The following CFAP65 variants were observed in gnomAD, a reference collection of about 807,000 sequenced individuals.
CFAP65 encodes cilia and flagella associated protein 65.
A neutral mutation model predicts 208.0 loss-of-function variants in CFAP65; 155 were observed. The observed-to-expected ratio is 0.75, with a 90% CI of 0.65 to 0.85. The LOEUF (loss-of-function observed/expected upper bound fraction) is 0.85. Among genes scored for constraint, CFAP65 ranks in the 40% least tolerant of loss-of-function variants. The pLI, the probability that CFAP65 is intolerant of heterozygous loss-of-function variation, is 0.00. For synonymous variants in CFAP65, 970 were observed against 986.3 expected (o/e 0.98, Z 0.31); for missense variants, 2,294 against 2,451.3 (o/e 0.94, Z 1.36).
At chr2:219,016,575 G>A (rs558639423) in intron 21 of CFAP65, among the ~76,000 whole-genome samples, 24 of 152,082 alleles carry the variant, frequency 1.6e-4, no homozygotes, top group South Asian at 4.2e-4. Context: ...GATTACAGGC[G>A]TGAGCCACCA....
intron 14 of CFAP65, 30 bp from the exon 15 acceptor site, chr2:219,024,290 C>T (rs1424705556): frequency 1.3e-6 from 2 of 1,589,240 alleles, no homozygotes; most frequent in Admixed American, 1.7e-5. Flanking sequence ...AAAGCGGCCC[C>T]CCGCTCAGAC....
chr2:219,030,978 T>C, intron 8 of CFAP65, 128 bp downstream of exon 8: 17 of 1,431,964 alleles, frequency 1.2e-5, no homozygotes, highest in East Asian at 2.5e-5. Context: ...CCTTCTGGGC[T>C]TGGGGGAGGG....
At position 219,027,889 on chromosome 2, in the gene CFAP65, C is replaced by A; in HGVS notation, c.1972G>T (p.Val658Leu). 1 of 1,555,358 alleles carries A rather than the reference C, an allele frequency of 6.4e-7. No homozygotes were observed. Among genetic ancestry groups the A allele is most frequent in the East Asian group, 2.3e-5 (1 of 44,296 alleles). ...PPPISVEPVE[V>L]DFGACPGPEA... ...GGCCCTGGGCAGGCACCGAAGTCTA[C>A]CTCGACAGGCTCTACACTGATGGGC... The change falls in exon 13 of 35, where the codon GTA (valine) becomes TTA (leucine). Residue 658 changes from valine (V) to leucine (L), a missense_variant. By Grantham distance (32) the Val-to-Leu change is conservative (BLOSUM62 1). This residue lies in a region of CFAP65 where 867 missense variants were observed against 1,012.6 expected (regional missense o/e 0.86). Coordinates refer to ENST00000341552, the MANE Select transcript of CFAP65 (RefSeq NM_194302.4).
At chr2:219,018,916 C>T in intron 21 of CFAP65, 135 bp downstream of exon 21, 1 of 1,235,164 alleles carries the variant, frequency 8.1e-7, no homozygotes, top group South Asian at 1.4e-5. Flanking sequence ...GCCTCCACAG[C>T]CGTCAATGTG....
chr2:219,004,757 G>A lies in CFAP65; in HGVS notation c.5052-302C>T, dbSNP rs1158935594. The stretch of plus-strand genomic sequence containing the variant: ...CATCTGCCAGCCCTGGAATGGGGCA[G>A]AACTCAGGATCCAGACCTGAGAATC... On this transcript the variant is annotated intron_variant, in intron 32 of 34. Coordinates refer to ENST00000341552, the MANE Select transcript of CFAP65 (RefSeq NM_194302.4). This position sits in a 1 kb window ranked among gnomAD's most constrained non-coding sequence, Gnocchi z 4.7. Among the ~76,000 whole-genome samples, 5 of 136,872 alleles carry A rather than the reference G, an allele frequency of 3.7e-5. No individual in the cohort carries two copies. The highest frequency in any genetic ancestry group is 7.7e-5 in the Non-Finnish European group (5 of 64,602). The allele number at this position is 136,872 out of a possible 152,430, so 89.8% of individuals were successfully genotyped here.
chr2:219,040,371 C>A, intron 2 of CFAP65, 148 bp downstream of exon 2: 356 of 542,886 alleles, frequency 6.6e-4, no homozygotes, highest in East Asian at 8.5e-4. Flanking sequence ...GCGGAAGATT[C>A]TGTTGACCCT....
At chr2:219,013,713 G>T in intron 22 of CFAP65, 128 bp from the exon 23 acceptor site, 1 of 1,167,698 alleles carries the variant, frequency 8.6e-7, no homozygotes, top group Non-Finnish European at 1.3e-6. Flanking sequence ...CTTGAGTTGG[G>T]ATGGGGCAAG....
chr2:219,028,220 G>A lies in CFAP65; in HGVS notation c.1832C>T (p.Ala611Val), dbSNP rs1033903473. The change falls in exon 12 of 35, where the codon GCT becomes GTT. Residue 611 changes from alanine (A) to valine (V), a missense_variant. By Grantham distance (64) the Ala-to-Val change is moderately conservative. Around this residue, in one of 2 missense-constraint regions of CFAP65, gnomAD observed 867 missense variants for 1,012.6 expected, o/e 0.86. Coordinates refer to ENST00000341552, the MANE Select transcript of CFAP65 (RefSeq NM_194302.4). Reference protein sequence around the residue: ...EKKLAQDQNGALMIPIQDLED... With the variant: ...EKKLAQDQNGVLMIPIQDLED... ...CTGTACCTGGATGGGAATCATGAGAGCCCCGTTCTGGTCCTGTGCCAGCTT... is the reference window on the plus strand; with the variant it reads ...CTGTACCTGGATGGGAATCATGAGAACCCCGTTCTGGTCCTGTGCCAGCTT... 5.0e-6 allele frequency: 8 copies of A among 1,614,070 alleles called. No homozygotes were observed. The highest frequency in any genetic ancestry group is 5.9e-6 in the Non-Finnish European group (7 of 1,179,960).
intron 14 of CFAP65, among the ~76,000 whole-genome samples, chr2:219,024,487 A>AGGGGGGG (rs1046581884): frequency 6.4e-4 from 2 of 3,110 alleles, no homozygotes; most frequent in African/African-American, 2.2e-3. Flanking sequence ...GGGGGGGGGC[A>AGGGGGGG]GGGGGGCGGG....
intron 24 of CFAP65, among the ~76,000 whole-genome samples, chr2:219,013,047 C>A (rs779476393): frequency 6.6e-6 from 1 of 152,078 alleles, no homozygotes; most frequent in Non-Finnish European, 1.5e-5. Context: ...TGGAACTGGG[C>A]CTGGCAAAGG....
In CFAP65 at chr2:219,028,016, G is replaced by C. The variant is rs548345604; in HGVS notation, c.1852-7C>G. ...CCGGCATGTCCTCCAGATCCTGCATGGGGAAAGACAGGTGGATAGGGCTCA... is the reference window on the plus strand; with the variant it reads ...CCGGCATGTCCTCCAGATCCTGCATCGGGAAAGACAGGTGGATAGGGCTCA... On this transcript the variant is annotated splice_region_variant and splice_polypyrimidine_tract_variant and intron_variant, in intron 12 of 34. Transcript: ENST00000341552. 9.9e-6 allele frequency: 15 copies of C among 1,516,956 alleles called. No individual in the cohort carries two copies. In the East Asian group the frequency reaches 3.0e-4, roughly 30 times the overall value. 94.0% of individuals were successfully genotyped at this position (1,516,956 alleles called of 1,614,324 possible).
intron 26 of CFAP65, 144 bp from the exon 27 acceptor site, chr2:219,010,229 C>A (rs952354323): frequency 2.7e-6 from 2 of 739,092 alleles, no homozygotes; most frequent in East Asian, 5.6e-5. Flanking sequence ...CTTTTGACAC[C>A]TTTCAACACC....
Position 219,003,163 on chromosome 2 carries a change from T to C in CFAP65, c.5665A>G (p.Ile1889Val). ...GGCACGCAGAACGGCGGCAGGGCGA[T>C]GACGCGTGGCCGCGAGGTGAGTACC... ...EVVLTSRPRV[I>V]ALPPFCVPRS... The change falls in exon 34 of 35, where the codon ATC (isoleucine) becomes GTC (valine). Residue 1889 changes from isoleucine to valine, a missense_variant. Coordinates refer to ENST00000341552, the MANE Select transcript of CFAP65 (RefSeq NM_194302.4). This position sits in a 1 kb window ranked among gnomAD's most constrained non-coding sequence, Gnocchi z 4.4. 1.9e-6 allele frequency: 3 copies of C among 1,545,442 alleles called. No individual in the cohort carries two copies. The highest frequency in any genetic ancestry group is 2.6e-6 in the Non-Finnish European group (3 of 1,143,710).
intron 27 of CFAP65, 72 bp downstream of exon 27, chr2:219,009,870 T>C: frequency 7.6e-7 from 1 of 1,315,688 alleles, no homozygotes; most frequent in East Asian, 2.8e-5. Flanking sequence ...TGGGGTGGTA[T>C]GGGATGGGGT....
At position 219,029,413 on chromosome 2, in the gene CFAP65, A is replaced by G. The variant is rs758921290; in HGVS notation, c.1640T>C (p.Ile547Thr). The G allele has an allele frequency of 1.2e-6, 2 of 1,612,706 alleles. No homozygotes were observed. The highest frequency in any genetic ancestry group is 1.7e-6 in the Non-Finnish European group (2 of 1,179,022). Residue 547 changes from isoleucine (I) to threonine (T), a missense_variant, in exon 11 of 35, where the codon ATC becomes ACC. Physicochemically the swap from Ile to Thr is moderately conservative, Grantham distance 89. This residue lies in a region of CFAP65 where 867 missense variants were observed against 1,012.6 expected (regional missense o/e 0.86). Transcript: ENST00000341552. ...IICFRRVACL[I>T]HHQDPLFLDL... ...CTCCCCACGACTCACCTGGTGGTGG[A>G]TGAGACAGGCCACACGCCGAAAGCA...
At position 219,021,863 on chromosome 2, in the gene CFAP65, A is replaced by C; in HGVS notation, c.3047T>G (p.Leu1016Arg). Reference sequence around the variant, plus strand: ...GAGGGTGCAGTTGCCGTCATTCAGGAGGACAAGGAACCTGGACTGCTTGCT... The same window carrying C: ...GAGGGTGCAGTTGCCGTCATTCAGGCGGACAAGGAACCTGGACTGCTTGCT... ...VNSKQSRFLV[L>R]LNDGNCTLYY... The change falls in exon 18 of 35, where the codon CTC (leucine) becomes CGC (arginine). Residue 1016 changes from leucine to arginine, a missense_variant. Leu to Arg is a moderately radical substitution (Grantham distance 102). Transcript: ENST00000341552. The C allele has an allele frequency of 1.2e-6, 2 of 1,613,814 alleles. No homozygotes were observed. The highest frequency in any genetic ancestry group is 8.5e-7 in the Non-Finnish European group (1 of 1,180,006).
At chr2:219,039,254 G>A (rs1250719931) in intron 2 of CFAP65, 1 of 411,926 alleles carries the variant, frequency 2.4e-6, no homozygotes, top group East Asian at 3.8e-5. Flanking sequence ...TGCTCAAGAG[G>A]ATGCTTGACC....
chr2:219,023,348 C>T lies in CFAP65; in HGVS notation c.2679G>A (p.Val893=), dbSNP rs1467653423. ...HKSLYFKPTW[V]GCSSTSPFTF... is the part of the protein sequence containing the mutation. ...TGAAGGGGCTGGTGGAGGAGCAGCC[C>T]ACCCAGGTGGGCTTGAAGTAGAGGC... Residue 893 remains valine (V), a synonymous_variant, in exon 16 of 35, where the codon GTG becomes GTA. Coordinates refer to ENST00000341552, the MANE Select transcript of CFAP65 (RefSeq NM_194302.4). 1.9e-6 allele frequency: 3 copies of T among 1,610,650 alleles called. No homozygotes were observed. The highest frequency in any genetic ancestry group is 2.2e-5 in the East Asian group (1 of 44,774).
At chr2:219,023,121 C>T (rs1436338534) in intron 16 of CFAP65, 86 bp downstream of exon 16, 7 of 1,170,228 alleles carry the variant, frequency 6.0e-6, no homozygotes, top group Admixed American at 5.9e-5. Context: ...GGGGGCTGCA[C>T]ATGGCAAGTC....
Sources: allele counts gnomAD v4.1 joint callset (sites outside exome capture counted in the v4.1 genomes callset), GRCh38; gene constraint gnomAD v4.1.1; regional missense constraint gnomAD v4.1.1; non-coding constraint Gnocchi (gnomAD v3.1); transcripts MANE v1.5; gene names NCBI Gene and HGNC (gene_info 2026-07-23, HGNC 2026-07-21).